CSMD1: variants seen among roughly 807,000 people sequenced by gnomAD.
CSMD1 encodes the protein CUB and sushi domain-containing protein 1.
In CSMD1, 213 loss-of-function variants were observed where a neutral mutation model predicts 417.5. That is an observed-to-expected ratio of 0.51 (90% CI 0.46 to 0.57). The LOEUF is 0.57. Among genes scored for constraint, CSMD1 ranks in the 20% least tolerant of loss-of-function variants. The probability of loss-of-function intolerance (pLI) is 0.00; values close to 1 mark genes in which losing one functional copy is unlikely to be tolerated. For synonymous variants in CSMD1, 2,862 were observed against 1,736.8 expected, an observed-to-expected ratio of 1.65 and a Z score of -16.11; for missense variants, 6,923 against 4,529.7, an observed-to-expected ratio of 1.53 and a Z score of -15.17.
At chr8:3,901,262 G>GTT (rs1807733461) in intron 5 of CSMD1, among the ~76,000 whole-genome samples, 1 of 152,164 alleles carries the variant, frequency 6.6e-6, no homozygotes, top group Non-Finnish European at 1.5e-5. Context: ...TTGTACTGAG[G>GTT]TTTCTTTGAT....
At chr8:4,018,773 G>C (rs376470526) in intron 4 of CSMD1, among the ~76,000 whole-genome samples, 1 of 152,198 alleles carries the variant, frequency 6.6e-6, no homozygotes, top group Non-Finnish European at 1.5e-5. Flanking sequence ...CACAGACTCT[G>C]TAGCCAAAGT....
chr8:3,538,076 C>T (rs1798277775), intron 10 of CSMD1, among the ~76,000 whole-genome samples: 1 of 152,212 alleles, frequency 6.6e-6, no homozygotes, highest in African/African-American at 2.4e-5. Context: ...TGACCCGATC[C>T]TATGCACAGA....
intron 7 of CSMD1, among the ~76,000 whole-genome samples, chr8:3,681,304 C>G (rs1455848356): frequency 6.6e-6 from 1 of 152,186 alleles, no homozygotes; most frequent in African/African-American, 2.4e-5. Context: ...CATCTCAGCA[C>G]AAAATCTCCT....
At chr8:4,902,577 A>G (rs1219938694) in intron 1 of CSMD1, among the ~76,000 whole-genome samples, 3 of 152,256 alleles carry the variant, frequency 2.0e-5, no homozygotes, top group African/African-American at 7.2e-5. Flanking sequence ...ATTAGAAAAT[A>G]TTATGCTGTG....
chr8:3,553,226 C>A (rs537899912), intron 10 of CSMD1, among the ~76,000 whole-genome samples: 110 of 152,174 alleles, frequency 7.2e-4, no homozygotes, highest in African/African-American at 2.4e-3. Flanking sequence ...TGAGAAGATA[C>A]CTAGGTAGGC....
At chr8:3,356,162 G>A in intron 21 of CSMD1, among the ~76,000 whole-genome samples, 1 of 152,172 alleles carries the variant, frequency 6.6e-6, no homozygotes, top group Admixed American at 6.5e-5. Context: ...GGTGTCACCT[G>A]CAACCTTTGG....
chr8:3,839,541 T>A (rs568644371), intron 5 of CSMD1, among the ~76,000 whole-genome samples: 1 of 86,450 alleles, frequency 1.2e-5, no homozygotes, highest in African/African-American at 3.8e-5. Flanking sequence ...TAAGATTTTA[T>A]ATATTATATA....
At chr8:4,371,579 G>A (rs191490638) in intron 3 of CSMD1, among the ~76,000 whole-genome samples, 4 of 152,024 alleles carry the variant, frequency 2.6e-5, no homozygotes, top group Non-Finnish European at 2.9e-5. Flanking sequence ...TTCATTCATG[G>A]ATTCAAAATG....
chr8:4,240,074 T>G (rs1802299404), intron 3 of CSMD1, among the ~76,000 whole-genome samples: 1 of 152,260 alleles, frequency 6.6e-6, no homozygotes, highest in Non-Finnish European at 1.5e-5. Flanking sequence ...TCAATTAAGC[T>G]TTAAATAAAG....
At chr8:3,834,990 G>C (rs1441222467) in intron 5 of CSMD1, among the ~76,000 whole-genome samples, 2 of 152,144 alleles carry the variant, frequency 1.3e-5, no homozygotes, top group Admixed American at 6.6e-5. Context: ...CTGGCCATCA[G>C]AGAAATGCAA....
chr8:3,604,704 T>C (rs923906362), intron 8 of CSMD1, among the ~76,000 whole-genome samples: 1 of 152,208 alleles, frequency 6.6e-6, no homozygotes, highest in Non-Finnish European at 1.5e-5. Context: ...CTCTCCATTA[T>C]TCTCTGCATC....
chr8:3,149,167 C>T (rs538296417), intron 40 of CSMD1, among the ~76,000 whole-genome samples: 49 of 151,980 alleles, frequency 3.2e-4, no homozygotes, highest in Admixed American at 1.4e-3. Flanking sequence ...GAAGTTTTTT[C>T]CCAAATTATT....
chr8:3,539,651 G>A (rs963183557), intron 10 of CSMD1, among the ~76,000 whole-genome samples: 2 of 151,914 alleles, frequency 1.3e-5, no homozygotes, highest in African/African-American at 4.8e-5. Flanking sequence ...ATCCCTCACT[G>A]TTGGGTGACC....
chr8:3,252,584 G>T (rs1231353732), intron 26 of CSMD1, among the ~76,000 whole-genome samples: 1 of 152,170 alleles, frequency 6.6e-6, no homozygotes, highest in African/African-American at 2.4e-5. Context: ...CATAAAATGA[G>T]TTAGGGAGGA....
chr8:3,960,658 CA>C (rs1398676390), intron 5 of CSMD1, among the ~76,000 whole-genome samples: 1 of 151,660 alleles, frequency 6.6e-6, no homozygotes, highest in Admixed American at 6.6e-5. Context: ...GATTATAAAT[CA>C]AGAAGTTATG....
At chr8:3,021,346 A>C (rs1809368697) in intron 51 of CSMD1, among the ~76,000 whole-genome samples, 1 of 152,246 alleles carries the variant, frequency 6.6e-6, no homozygotes, top group Non-Finnish European at 1.5e-5. Flanking sequence ...CTTGTATGGT[A>C]GTAAACTCAA....
chr8:3,399,275 C>T lies in CSMD1; in HGVS notation c.2405+116G>A, dbSNP rs1369312968. 5.7e-6 allele frequency: 5 copies of T among 871,844 alleles called. No individual in the cohort carries two copies. In the East Asian group the frequency reaches 1.0e-4, roughly 18 times the overall value. 54.0% of individuals were successfully genotyped at this position (871,844 alleles called of 1,614,324 possible). On this transcript the variant is annotated intron_variant, in intron 16 of 69. Coordinates refer to ENST00000635120, the MANE Select transcript of CSMD1 (RefSeq NM_033225.6). ...AAGTGCCTGTTTCTGGTAAAGTGTG[C>T]TCCTATGCGGGAACCGAAAAAAACT...
chr8:3,819,980 G>T (rs181117933), intron 5 of CSMD1, among the ~76,000 whole-genome samples: 35 of 152,236 alleles, frequency 2.3e-4, no homozygotes, highest in Admixed American at 2.0e-3. Context: ...GCTGTCCCCA[G>T]ACTTGAATCC....
chr8:4,219,326 C>T (rs1024663574), intron 3 of CSMD1, among the ~76,000 whole-genome samples: 2 of 152,138 alleles, frequency 1.3e-5, no homozygotes, highest in Non-Finnish European at 2.9e-5. Flanking sequence ...TAATTTCATT[C>T]ACTTTCGTAA....
Sources: allele counts gnomAD v4.1 joint callset (sites outside exome capture counted in the v4.1 genomes callset), GRCh38; gene constraint gnomAD v4.1.1; transcripts MANE v1.5; gene names NCBI Gene and HGNC (gene_info 2026-07-23, HGNC 2026-07-21).